Variants in ATP10D observed in about 807,000 individuals in gnomAD.
The protein encoded by ATP10D is ATPase phospholipid transporting 10D (putative).
ATP10D carries 89 observed loss-of-function variants against 144.8 expected under a neutral mutation model. That is an observed-to-expected ratio of 0.61 (90% CI 0.52 to 0.73). The LOEUF is 0.73. ATP10D is among the 30% of genes least tolerant of loss of function. ATP10D has a pLI of 0.00. For synonymous variants in ATP10D, 571 were observed against 615.1 expected, an observed-to-expected ratio of 0.93 and a Z score of 1.06; for missense variants, 1,603 against 1,714.8, an observed-to-expected ratio of 0.93 and a Z score of 1.15.
At chr4:47,529,512 G>A (rs189158842) in intron 5 of ATP10D, among the ~76,000 whole-genome samples, 2 of 152,168 alleles carry the variant, frequency 1.3e-5, no homozygotes, top group African/African-American at 2.4e-5. Flanking sequence ...CTATGTTTTT[G>A]TAGCAGTACC....
chr4:47,575,916 T>TG (rs1344334206), intron 18 of ATP10D, among the ~76,000 whole-genome samples: 1 of 145,718 alleles, frequency 6.9e-6, no homozygotes, highest in African/African-American at 2.6e-5. Flanking sequence ...GAGAGCTCAC[T>TG]GGGGTCCCTT....
intron 3 of ATP10D, 150 bp from the exon 4 acceptor site, chr4:47,522,862 C>A: frequency 1.5e-6 from 1 of 661,110 alleles, no homozygotes; most frequent in Non-Finnish European, 2.5e-6. Flanking sequence ...AGCCAACTTG[C>A]CTGGCCCCTT....
rs940572489 is a variant in ATP10D at position 47,519,076 on chromosome 4, T to C, written c.485+3406T>C. On this transcript the variant is annotated intron_variant, in intron 3 of 22. Transcript: ENST00000273859. ...TGATTTTGTGCCCAATGATAATTCA[T>C]TATTTGCTTATTATAAATAATTCAG... Among the ~76,000 whole-genome samples the C allele has an allele frequency of 2.6e-5, 4 of 152,350 alleles. No individual in the cohort carries two copies. The South Asian group carries it at 8.3e-4, about 32-fold the overall frequency.
At chr4:47,567,795 G>A (rs1241072526) in intron 15 of ATP10D, among the ~76,000 whole-genome samples, 1 of 152,192 alleles carries the variant, frequency 6.6e-6, no homozygotes, top group Non-Finnish European at 1.5e-5. Context: ...GCTGTTTCAT[G>A]TGCACATGTC....
At chr4:47,532,894 G>A (rs549215008) in intron 5 of ATP10D, among the ~76,000 whole-genome samples, 5 of 152,196 alleles carry the variant, frequency 3.3e-5, no homozygotes, top group African/African-American at 4.8e-5. Flanking sequence ...GGGTTGGAGC[G>A]CTGGGCACAT....
At chr4:47,499,129 T>C (rs1386023878) in intron 1 of ATP10D, among the ~76,000 whole-genome samples, 1 of 152,186 alleles carries the variant, frequency 6.6e-6, no homozygotes, top group Non-Finnish European at 1.5e-5. Context: ...ATATCAAAGT[T>C]TGTCTTATGG....
chr4:47,545,600 G>C (rs573745768), intron 9 of ATP10D, among the ~76,000 whole-genome samples: 1 of 146,758 alleles, frequency 6.8e-6, no homozygotes, highest in African/African-American at 2.5e-5. Flanking sequence ...AAATAAGAAA[G>C]AAGATAGGAA....
intron 16 of ATP10D, 100 bp downstream of exon 16, chr4:47,569,246 C>T: frequency 7.4e-7 from 1 of 1,358,576 alleles, no homozygotes; most frequent in East Asian, 2.4e-5. Flanking sequence ...CTTCCATTTT[C>T]CTCCTCCCTT....
intron 9 of ATP10D, among the ~76,000 whole-genome samples, chr4:47,543,836 T>TACACACACAC (rs756459559): frequency 9.5e-6 from 1 of 104,934 alleles, no homozygotes; most frequent in African/African-American, 3.5e-5. Context: ...ATATATTATG[T>TACACACACAC]ACACACACAC....
At chr4:47,568,789 G>T in intron 15 of ATP10D, 48 bp from the exon 16 acceptor site, 2 of 1,523,804 alleles carry the variant, frequency 1.3e-6, no homozygotes, top group South Asian at 1.2e-5. Context: ...AACTGGTTCT[G>T]ACACCAAGGG....
At chr4:47,513,907 A>T (rs1324777921) in intron 2 of ATP10D, among the ~76,000 whole-genome samples, 1 of 152,192 alleles carries the variant, frequency 6.6e-6, no homozygotes, top group Non-Finnish European at 1.5e-5. Flanking sequence ...GTGAATTGTA[A>T]TGGAGACCTG....
At chr4:47,545,413 C>G (rs558374625) in intron 9 of ATP10D, among the ~76,000 whole-genome samples, 6 of 152,262 alleles carry the variant, frequency 3.9e-5, no homozygotes, top group Admixed American at 1.3e-4. Context: ...GAAGATCACT[C>G]TAGCTACTAT....
rs531308585 is a variant in ATP10D at position 47,550,493 on chromosome 4, G to A, written c.1635+3631G>A. Among the ~76,000 whole-genome samples, 4 of 152,164 alleles carry A rather than the reference G, an allele frequency of 2.6e-5. No individual in the cohort carries two copies. In the East Asian group the frequency reaches 7.8e-4, roughly 30 times the overall value. On this transcript the variant is annotated intron_variant, in intron 10 of 22. Transcript: ENST00000273859. ...CTTAGTAATGTCATGGGGTTGGGGG[G>A]GGCGGTCCTTGCTCCCAGAGCTCCC...
Position 47,512,508 on chromosome 4 carries a change from G to C in ATP10D, c.-33G>C. The C allele has an allele frequency of 6.4e-7, 1 of 1,562,530 alleles. No individual in the cohort carries two copies. The highest frequency in any genetic ancestry group is 8.7e-7 in the Non-Finnish European group (1 of 1,149,850). ...TGGTTTTTGTTTGTTTGCCAGGTCA[G>C]CTACACAACCTGGATCTTACCACAG... is the stretch of plus-strand genomic sequence containing the variant. On this transcript the variant is annotated 5_prime_UTR_variant, in exon 2 of 23. Coordinates refer to ENST00000273859, the MANE Select transcript of ATP10D (RefSeq NM_020453.4).
intron 10 of ATP10D, among the ~76,000 whole-genome samples, chr4:47,552,208 C>T (rs1718762423): frequency 6.6e-6 from 1 of 152,192 alleles, no homozygotes; most frequent in Non-Finnish European, 1.5e-5. Flanking sequence ...AGTATTACTT[C>T]TGTTCTCGTG....
chr4:47,535,635 T>A lies in ATP10D; in HGVS notation c.883+20T>A. On this transcript the variant is annotated intron_variant, in intron 6 of 22. Coordinates refer to ENST00000273859, the MANE Select transcript of ATP10D (RefSeq NM_020453.4). ...ATGCAGGTCGGTTATGTTTCTAATT[T>A]TCATTGTCTACTCTGTGCTTTTCTA... 1 of 1,591,788 alleles carries A rather than the reference T, an allele frequency of 6.3e-7. No individual in the cohort carries two copies. The highest frequency in any genetic ancestry group is 1.4e-5 in the African/African-American group (1 of 74,010).
chr4:47,535,452 T>C, intron 5 of ATP10D, 57 bp from the exon 6 acceptor site: 1 of 1,366,492 alleles, frequency 7.3e-7, no homozygotes, highest in East Asian at 2.5e-5. Flanking sequence ...TGAGATTTAT[T>C]TTTATATCCC....
At chr4:47,583,670 C>T (rs1015359563) in intron 21 of ATP10D, among the ~76,000 whole-genome samples, 2 of 152,160 alleles carry the variant, frequency 1.3e-5, no homozygotes, top group Non-Finnish European at 2.9e-5. Flanking sequence ...AAGGTTCTGA[C>T]ATTTATTAGT....
Position 47,563,757 on chromosome 4 carries a change from C to T in ATP10D, c.2845C>T (p.Gln949Ter). ...PDDKLFILNT[Q>*]SKDACGMLMS... ...TGACAAGCTTTTTATCCTCAATACCCAAAGTAAAGTGCGTATATTGAGATT... is the reference window on the plus strand; with the variant it reads ...TGACAAGCTTTTTATCCTCAATACCTAAAGTAAAGTGCGTATATTGAGATT... Residue 949 changes from glutamine (Q) to a stop codon, truncating the protein, a stop_gained, in exon 15 of 23, where the codon CAA becomes TAA. Coordinates refer to ENST00000273859, the MANE Select transcript of ATP10D (RefSeq NM_020453.4). LOFTEE classifies it high-confidence loss of function. The T allele has an allele frequency of 1.9e-6, 3 of 1,603,668 alleles. No individual in the cohort carries two copies. The highest frequency in any genetic ancestry group is 2.6e-6 in the Non-Finnish European group (3 of 1,175,602).
Sources: gnomAD v4.1 joint callset for allele counts (sites outside exome capture counted in the v4.1 genomes callset) on GRCh38, gnomAD v4.1.1 for gene constraint, MANE v1.5 for transcripts, NCBI Gene and HGNC (gene_info 2026-07-23, HGNC 2026-07-21) for gene names.